The following SLC9A9 variants were observed in gnomAD, a reference collection of about 807,000 sequenced individuals.
SLC9A9 encodes the protein sodium/hydrogen exchanger 9.
In SLC9A9, 62 loss-of-function variants were observed where a neutral mutation model predicts 77.8. The observed-to-expected ratio is 0.80, with a 90% CI of 0.65 to 0.98. The LOEUF (loss-of-function observed/expected upper bound fraction) is 0.98, where lower values mean the gene tolerates loss of function less well. Ranked by LOEUF, SLC9A9 falls within the 50% of genes least tolerant of loss-of-function variation. SLC9A9 has a pLI of 0.00. For synonymous variants in SLC9A9, 320 were observed against 283.5 expected (o/e 1.13, Z -1.29); for missense variants, 775 against 774.9 (o/e 1.00, Z 0.00).
chr3:143,483,514 C>T (rs905613198), intron 11 of SLC9A9, among the ~76,000 whole-genome samples: 2 of 152,124 alleles, frequency 1.3e-5, no homozygotes, highest in African/African-American at 2.4e-5. Flanking sequence ...GCAGGTCTGC[C>T]TCAGGTTTTG....
At chr3:143,627,927 G>C (rs2038359572) in intron 6 of SLC9A9, among the ~76,000 whole-genome samples, 1 of 152,202 alleles carries the variant, frequency 6.6e-6, no homozygotes, top group African/African-American at 2.4e-5. Flanking sequence ...AATGAGCTTG[G>C]GTGGAGGTGA....
chr3:143,402,401 G>A (rs1301909289), intron 12 of SLC9A9, among the ~76,000 whole-genome samples: 1 of 149,878 alleles, frequency 6.7e-6, no homozygotes, highest in African/African-American at 2.5e-5. Context: ...CAGTGTGGTA[G>A]AATGTGGCAT....
intron 4 of SLC9A9, among the ~76,000 whole-genome samples, chr3:143,789,484 A>C (rs2008155704): frequency 6.6e-6 from 1 of 152,158 alleles, no homozygotes; most frequent in African/African-American, 2.4e-5. Context: ...CCTGTTCTAA[A>C]TCATTCTCTT....
At chr3:143,275,932 G>C (rs1185727006) in intron 14 of SLC9A9, among the ~76,000 whole-genome samples, 1 of 152,188 alleles carries the variant, frequency 6.6e-6, no homozygotes, top group Non-Finnish European at 1.5e-5. Flanking sequence ...AACTTTCTAA[G>C]CTTCAGAGTT....
Position 143,700,943 on chromosome 3 carries a change from G to A in SLC9A9, c.534-7636C>T, listed in dbSNP as rs74965279. On this transcript the variant is annotated intron_variant, in intron 4 of 15. Transcript: ENST00000316549. ...TGTTTCACCTCAACCCCAGGTCCAGGCAGCTTAGAACAGAGCAAGGCTCCA... is the reference window on the plus strand; with the variant it reads ...TGTTTCACCTCAACCCCAGGTCCAGACAGCTTAGAACAGAGCAAGGCTCCA... Among the ~76,000 whole-genome samples the A allele has an allele frequency of 2.6e-3, 403 of 152,340 alleles. 5 individuals carry two copies. The highest frequency in any genetic ancestry group is 0.019 in the East Asian group (99 of 5,178).
At chr3:143,301,461 G>C (rs1239738805) in intron 14 of SLC9A9, among the ~76,000 whole-genome samples, 1 of 152,110 alleles carries the variant, frequency 6.6e-6, no homozygotes, top group African/African-American at 2.4e-5. Flanking sequence ...CCTTTTTCTT[G>C]GCCCTCTAGT....
rs572490421 is a variant in SLC9A9, at chr3:143,394,004, C to A, written c.1470-11890G>T. On this transcript the variant is annotated intron_variant, in intron 12 of 15. Coordinates refer to ENST00000316549, the MANE Select transcript of SLC9A9 (RefSeq NM_173653.4). ...AGTCCAGGACCAGATGGATTCACAG[C>A]CGAATTCTACCAGAGGTACAAGGAG... Among the ~76,000 whole-genome samples, 508 of 151,978 alleles carry A rather than the reference C, an allele frequency of 3.3e-3. 1 individual carries two copies. The highest frequency in any genetic ancestry group is 0.012 in the African/African-American group (487 of 41,284).
chr3:143,517,289 T>C (rs2036217895), intron 9 of SLC9A9: 3 of 1,263,368 alleles, frequency 2.4e-6, no homozygotes, highest in East Asian at 2.3e-5. Flanking sequence ...AAGAATTTCA[T>C]TGAGTCCAGG....
intron 1 of SLC9A9, among the ~76,000 whole-genome samples, chr3:143,832,584 AG>A (rs2009464743): frequency 6.6e-6 from 1 of 152,102 alleles, no homozygotes; most frequent in Admixed American, 6.6e-5. Context: ...TTCCCCTGGG[AG>A]TGTTTCTGGT....
chr3:143,640,829 G>A (rs986062027), intron 6 of SLC9A9, among the ~76,000 whole-genome samples: 1 of 152,166 alleles, frequency 6.6e-6, no homozygotes, highest in Non-Finnish European at 1.5e-5. Context: ...TACAGCCTGG[G>A]CAACAGAGTG....
In SLC9A9 at chr3:143,703,084, C is replaced by T. The variant is rs552406900; in HGVS notation, c.534-9777G>A. ...CCAGATATATAAAGCAAAAAATTTT[C>T]GAGCTAAAGAGTGAGATAGACCCCA... is the stretch of plus-strand genomic sequence containing the variant. On this transcript the variant is annotated intron_variant, in intron 4 of 15. Coordinates refer to ENST00000316549, the MANE Select transcript of SLC9A9 (RefSeq NM_173653.4). Among the ~76,000 whole-genome samples, 10 of 151,958 alleles carry T rather than the reference C, an allele frequency of 6.6e-5. No homozygotes were observed. The East Asian group carries it at 1.7e-3, about 26-fold the overall frequency.
At chr3:143,637,311 G>GA (rs2038539882) in intron 6 of SLC9A9, among the ~76,000 whole-genome samples, 1 of 152,100 alleles carries the variant, frequency 6.6e-6, no homozygotes, top group Non-Finnish European at 1.5e-5. Context: ...CTCTGGAAAT[G>GA]AAAAATTTAC....
At chr3:143,434,916 C>G (rs913414716) in intron 12 of SLC9A9, among the ~76,000 whole-genome samples, 1 of 152,088 alleles carries the variant, frequency 6.6e-6, no homozygotes, top group Admixed American at 6.6e-5. Context: ...CCCCACGAGC[C>G]CCTTCTGACC....
At position 143,803,160 on chromosome 3, in the gene SLC9A9, C is replaced by T. The variant is rs190018900; in HGVS notation, c.379-6257G>A. 8.2e-4 allele frequency among the ~76,000 whole-genome samples: 125 copies of T among 152,258 alleles called. 3 individuals are homozygous for T. The East Asian group carries it at 0.012, about 14-fold the overall frequency. On this transcript the variant is annotated intron_variant, in intron 2 of 15. Transcript: ENST00000316549. ...GCAGGATCCTCCCCACTGGGTTCAC[C>T]GTTCCAGAGTAAAGCTGTGTCCATC...
intron 8 of SLC9A9, among the ~76,000 whole-genome samples, chr3:143,560,662 A>C (rs2037067685): frequency 6.6e-6 from 1 of 152,072 alleles, no homozygotes; most frequent in South Asian, 2.1e-4. Context: ...TGGAATGTGA[A>C]AAAATTACAT....
chr3:143,686,737 G>A (rs946774130), intron 5 of SLC9A9, among the ~76,000 whole-genome samples: 1 of 152,132 alleles, frequency 6.6e-6, no homozygotes, highest in African/African-American at 2.4e-5. Context: ...CCCCAAGACA[G>A]CAATGAAAAA....
At chr3:143,534,732 G>C (rs1188175814) in intron 9 of SLC9A9, among the ~76,000 whole-genome samples, 1 of 152,198 alleles carries the variant, frequency 6.6e-6, no homozygotes, top group Non-Finnish European at 1.5e-5. Context: ...TGCTAGGCTT[G>C]ATGTCTGGAA....
intron 15 of SLC9A9, among the ~76,000 whole-genome samples, chr3:143,268,649 C>A (rs1282948499): frequency 1.4e-5 from 2 of 144,552 alleles, no homozygotes; most frequent in African/African-American, 5.2e-5. Flanking sequence ...AGGAGAATGG[C>A]ATGAACCCGG....
At chr3:143,795,300 A>AAT (rs1429387566) in intron 3 of SLC9A9, among the ~76,000 whole-genome samples, 1 of 150,338 alleles carries the variant, frequency 6.7e-6, no homozygotes, top group African/African-American at 2.4e-5. Context: ...AAAAAAAAAA[A>AAT]CCCACTGGAA....
Sources: gnomAD v4.1 joint callset for allele counts (sites outside exome capture counted in the v4.1 genomes callset) on GRCh38, gnomAD v4.1.1 for gene constraint, MANE v1.5 for transcripts, NCBI Gene and HGNC (gene_info 2026-07-23, HGNC 2026-07-21) for gene names.